The following HAUS6 variants were observed in gnomAD, a reference collection of about 807,000 sequenced individuals.
The protein encoded by HAUS6 is HAUS augmin like complex subunit 6, also known as HAUS augmin-like complex subunit 6.
In HAUS6, 80 loss-of-function variants were observed where a neutral mutation model predicts 106.8. The ratio of observed to expected loss-of-function variants is 0.75; its 90% CI spans 0.63 to 0.90. The LOEUF is 0.90. Ranked by LOEUF, HAUS6 falls within the 40% of genes least tolerant of loss-of-function variation. The pLI, the probability that HAUS6 is intolerant of heterozygous loss-of-function variation, is 0.00. For missense variants in HAUS6, 1,155 were observed against 1,118.1 expected (o/e 1.03, Z -0.47); for synonymous variants, 356 against 379.1 (o/e 0.94, Z 0.71).
At position 19,095,326 on chromosome 9, in the gene HAUS6, C is replaced by A. The variant is rs546591341; in HGVS notation, c.225-931G>T. Among the ~76,000 whole-genome samples, 159 of 152,188 alleles carry A rather than the reference C, an allele frequency of 1.0e-3. 1 individual carries two copies. The highest frequency in any genetic ancestry group is 2.0e-3 in the Non-Finnish European group (134 of 67,998). The stretch of plus-strand genomic sequence containing the variant: ...AGGCATAATTATTTAAGGCCTCATA[C>A]CTTTTCTATAACTACATTCAGTATT... On this transcript the variant is annotated intron_variant, in intron 2 of 16. Transcript: ENST00000380502.
rs760288459 is a variant in HAUS6 at position 19,056,416 on chromosome 9, T to A, written c.2807-12A>T. The A allele has an allele frequency of 6.7e-7, 1 of 1,481,988 alleles. No homozygotes were observed. The highest frequency in any genetic ancestry group is 1.4e-5 in the African/African-American group (1 of 72,244). 91.8% of individuals were successfully genotyped at this position (1,481,988 alleles called of 1,614,324 possible). A position where few individuals can be genotyped will look rare whatever the true frequency, so the allele number is the denominator to read the frequency against. Reference sequence around the variant, plus strand: ...CAAAATGTCTTCTTCTGCAAATTGATTTTAAAAAAGTATAAGCAAACATTA... The same window carrying A: ...CAAAATGTCTTCTTCTGCAAATTGAATTTAAAAAAGTATAAGCAAACATTA... On this transcript the variant is annotated splice_polypyrimidine_tract_variant and intron_variant, in intron 16 of 16. Transcript: ENST00000380502.
At chr9:19,065,784 T>G (rs901839974) in intron 12 of HAUS6, among the ~76,000 whole-genome samples, 3 of 152,000 alleles carry the variant, frequency 2.0e-5, no homozygotes, top group African/African-American at 7.2e-5. Context: ...GCAGTTGCAG[T>G]GAGCCGAGAT....
At chr9:19,067,832 A>T (rs1191844431) in intron 12 of HAUS6, among the ~76,000 whole-genome samples, 1 of 152,074 alleles carries the variant, frequency 6.6e-6, no homozygotes, top group Non-Finnish European at 1.5e-5. Context: ...AGTTGGGATT[A>T]TAAGCATGCG....
chr9:19,102,806 A>G lies in HAUS6; in HGVS notation c.-155T>C, dbSNP rs1355473722. On this transcript the variant is annotated 5_prime_UTR_variant, in exon 1 of 17. Coordinates refer to ENST00000380502, the MANE Select transcript of HAUS6 (RefSeq NM_017645.5). ...TCACGCCCAGAGCGATTTCGCCTCAAAGGGCCTCACAACCTCCGGGAAATT... is the reference window on the plus strand; with the variant it reads ...TCACGCCCAGAGCGATTTCGCCTCAGAGGGCCTCACAACCTCCGGGAAATT... The G allele has an allele frequency of 2.7e-5, 18 of 678,052 alleles. No homozygotes were observed. The highest frequency in any genetic ancestry group is 4.1e-5 in the Non-Finnish European group (17 of 416,698). The allele number at this position is 678,052 out of a possible 1,614,324, so 42.0% of individuals were successfully genotyped here. A position where few individuals can be genotyped will look rare whatever the true frequency, so the allele number is the denominator to read the frequency against.
At chr9:19,086,130 G>A (rs969286948) in intron 7 of HAUS6, among the ~76,000 whole-genome samples, 6 of 151,428 alleles carry the variant, frequency 4.0e-5, no homozygotes, top group African/African-American at 1.5e-4. Context: ...TGGCCAACAT[G>A]GCGAAACCCT....
In HAUS6 at chr9:19,055,549, A is replaced by T. The variant is rs1294556080; in HGVS notation, c.*794T>A. On this transcript the variant is annotated 3_prime_UTR_variant, in exon 17 of 17. Transcript: ENST00000380502. ...AACAAAACAGACTAATGAAAATTTT[A>T]ATTTATATTTTTGTTAAAATATAAA... 1 of 152,254 alleles carries T rather than the reference A, an allele frequency of 6.6e-6. No individual in the cohort carries two copies. Among genetic ancestry groups the T allele is most frequent in the Non-Finnish European group, 1.5e-5 (1 of 68,046 alleles). The allele number at this position is 152,254 out of a possible 1,614,324, so 9.4% of individuals were successfully genotyped here. A position where few individuals can be genotyped will look rare whatever the true frequency, so the allele number is the denominator to read the frequency against.
intron 1 of HAUS6, among the ~76,000 whole-genome samples, chr9:19,100,408 G>A (rs1444687468): frequency 6.6e-6 from 1 of 152,202 alleles, no homozygotes; most frequent in Non-Finnish European, 1.5e-5. Context: ...CATCCATGTT[G>A]AAAGCATTTA....
At chr9:19,057,261 T>A (rs1173519159) in intron 16 of HAUS6, 1 of 152,348 alleles carries the variant, frequency 6.6e-6, no homozygotes, top group Admixed American at 6.5e-5. Flanking sequence ...ATTAATTAGC[T>A]AATATGACTG....
Position 19,080,810 on chromosome 9 carries a change from G to A in HAUS6, c.871-138C>T, listed in dbSNP as rs890925596. The stretch of plus-strand genomic sequence containing the variant: ...AGGCCAGACGCAACGGCTCACACCT[G>A]TAATCCCAGCACTCTGGGAGTTGGG... On this transcript the variant is annotated intron_variant, in intron 8 of 16. Coordinates refer to ENST00000380502, the MANE Select transcript of HAUS6 (RefSeq NM_017645.5). 10 of 592,662 alleles carry A rather than the reference G, an allele frequency of 1.7e-5. No homozygotes were observed. In the East Asian group the frequency reaches 2.9e-4, roughly 17 times the overall value. The allele number at this position is 592,662 out of a possible 1,614,324, so 36.7% of individuals were successfully genotyped here. A position where few individuals can be genotyped will look rare whatever the true frequency, so the allele number is the denominator to read the frequency against.
intron 14 of HAUS6, among the ~76,000 whole-genome samples, chr9:19,061,473 T>C (rs962119571): frequency 1.3e-5 from 2 of 152,070 alleles, no homozygotes; most frequent in African/African-American, 4.8e-5. Flanking sequence ...AGAGAAACAA[T>C]AGAACTTTAG....
chr9:19,069,660 T>C (rs1370641248), intron 12 of HAUS6, among the ~76,000 whole-genome samples: 4 of 151,764 alleles, frequency 2.6e-5, no homozygotes, highest in Admixed American at 1.3e-4. Flanking sequence ...AATCGTGCCA[T>C]TGCACTCCAG....
intron 1 of HAUS6, 87 bp from the exon 2 acceptor site, chr9:19,096,856 A>C (rs1378381339): frequency 8.4e-6 from 5 of 594,354 alleles, no homozygotes; most frequent in Non-Finnish European, 1.4e-5. Context: ...CTTTGACACA[A>C]ATTAATGTTT....
Position 19,063,059 on chromosome 9 carries a change from T to C in HAUS6, c.1578A>G (p.Pro526=). 1 of 1,611,656 alleles carries C rather than the reference T, an allele frequency of 6.2e-7. No individual in the cohort carries two copies. The highest frequency in any genetic ancestry group is 8.5e-7 in the Non-Finnish European group (1 of 1,179,472). Residue 526 remains proline (P), a synonymous_variant, in exon 14 of 17, where the codon CCA becomes CCG. Transcript: ENST00000380502. ...TTTGAAATGGATCACTTTTTTTAGC[T>C]GGCAAAGACCCTCCAAATGCACTAC... The part of the protein sequence containing the change: ...TESSAFGGSL[P]AKKSDPFQKE...
chr9:19,085,457 A>G (rs1033284835), intron 7 of HAUS6, among the ~76,000 whole-genome samples: 4 of 152,148 alleles, frequency 2.6e-5, no homozygotes, highest in Admixed American at 6.6e-5. Flanking sequence ...TACCTAGCAC[A>G]TATCAGATGA....
intron 3 of HAUS6, 95 bp downstream of exon 3, chr9:19,094,222 A>G (rs1044910133): frequency 1.0e-5 from 7 of 690,256 alleles, no homozygotes; most frequent in African/African-American, 3.7e-5. Flanking sequence ...TGATAGCATT[A>G]AAGCATTAAA....
intron 12 of HAUS6, 46 bp downstream of exon 12, chr9:19,070,173 T>TA (rs1564010943): frequency 9.5e-6 from 10 of 1,049,282 alleles, no homozygotes; most frequent in South Asian, 8.2e-5. Flanking sequence ...TTTTATAAAA[T>TA]AAGAGTTTTT....
At chr9:19,073,334 T>A (rs1308222847) in intron 11 of HAUS6, among the ~76,000 whole-genome samples, 1 of 151,846 alleles carries the variant, frequency 6.6e-6, no homozygotes, top group Admixed American at 6.6e-5. Flanking sequence ...AGATGCAATA[T>A]GTAAGGTATA....
intron 3 of HAUS6, among the ~76,000 whole-genome samples, chr9:19,094,032 T>A (rs1446005870): frequency 6.6e-6 from 1 of 152,162 alleles, no homozygotes; most frequent in African/African-American, 2.4e-5. Flanking sequence ...GCAAACAAAC[T>A]AAAATAATAT....
chr9:19,076,788 T>C (rs1837017136), intron 10 of HAUS6, 84 bp from the exon 11 acceptor site: 1 of 667,598 alleles, frequency 1.5e-6, no homozygotes, highest in African/African-American at 1.8e-5. Context: ...TATGAATAGA[T>C]TATCTTCTCA....
Sources: gnomAD v4.1 joint callset for allele counts (sites outside exome capture counted in the v4.1 genomes callset) on GRCh38, gnomAD v4.1.1 for gene constraint, MANE v1.5 for transcripts, NCBI Gene and HGNC (gene_info 2026-07-23, HGNC 2026-07-21) for gene names.